Variants in SPRY3 observed in about 807,000 individuals in gnomAD.
SPRY3 encodes protein sprouty homolog 3.
Under a neutral mutation model 20.2 loss-of-function variants are expected in SPRY3, and 15 were observed. The ratio of observed to expected loss-of-function variants is 0.74; its 90% CI spans 0.50 to 1.14. The LOEUF is 1.14. Among genes scored for constraint, SPRY3 ranks in the 50% most tolerant of loss-of-function variants. SPRY3 has a pLI of 0.00. For synonymous variants in SPRY3, 143 were observed against 136.5 expected (o/e 1.05, Z -0.33); for missense variants, 364 against 363.9 (o/e 1.00, Z 0.00).
At chrX:155,632,773 T>C (rs2067910717) in intron 1 of SPRY3, among the ~76,000 whole-genome samples, 1 of 111,969 alleles carries the variant, frequency 8.9e-6, no homozygotes, top group African/African-American at 3.2e-5. Context: ...TACCTCTTGA[T>C]AGGAGGTTAT....
intron 2 of SPRY3, among the ~76,000 whole-genome samples, chrX:155,743,898 T>C (rs1030721438): frequency 6.6e-6 from 1 of 152,016 alleles, no homozygotes; most frequent in African/African-American, 2.4e-5. Flanking sequence ...AAAAGGACAA[T>C]TTTAAATAAT....
At chrX:155,776,886 C>A (rs1316470138), downstream of SPRY3, 1 of 166,984 alleles carries the variant, frequency 6.0e-6, no homozygotes, top group East Asian at 1.9e-4. Flanking sequence ...TTCACTTACA[C>A]CTCCTCTTCT....
intron 2 of SPRY3, among the ~76,000 whole-genome samples, chrX:155,761,151 C>T (rs1174031525): frequency 6.6e-6 from 1 of 152,112 alleles, no homozygotes; most frequent in Admixed American, 6.5e-5. Flanking sequence ...TTCAATAAGT[C>T]ACCAATACCC....
chrX:155,767,329 C>G (rs1267361940), intron 2 of SPRY3, among the ~76,000 whole-genome samples: 1 of 152,202 alleles, frequency 6.6e-6, no homozygotes, highest in South Asian at 2.1e-4. Context: ...CATCTACATT[C>G]ACAAAACGGC....
rs776979678 is a variant in SPRY3 at position 155,725,841 on chromosome X, T to TA, written c.-281-42120dup. Among the ~76,000 whole-genome samples the TA allele has an allele frequency of 9.3e-4, 142 of 152,306 alleles. 1 individual carries two copies. Among genetic ancestry groups the TA allele is most frequent in the African/African-American group, 3.2e-3 (135 of 41,568 alleles). ...CCTTCAGTTCTGCTCTGGTCTTAGT[T>TA]ATTTCTTGCCTTCTGCTAGCATTTG... On this transcript the variant is annotated intron_variant, in intron 2 of 3. Coordinates refer to ENST00000675360, the Ensembl canonical transcript of SPRY3.
intron 3 of SPRY3, among the ~76,000 whole-genome samples, chrX:155,768,377 A>C (rs2091358789): frequency 6.6e-6 from 1 of 152,136 alleles, no homozygotes; most frequent in Non-Finnish European, 1.5e-5. Context: ...AGGACTTCAA[A>C]ATAATATTTT....
In SPRY3 at chrX:155,680,197, G is replaced by GGA. The variant is rs761827872; in HGVS notation, c.-282+23193_-282+23194dup. Among the ~76,000 whole-genome samples, 236 of 75,249 alleles carry GGA rather than the reference G, an allele frequency of 3.1e-3. 2 individuals are homozygous for GGA. The highest frequency in any genetic ancestry group is 0.012 in the African/African-American group (207 of 17,784). The allele number at this position is 75,249 out of a possible 115,157, so 65.3% of individuals were successfully genotyped here. ...GTGTGTGTGTGTGTGTGTGTTTGAGGGAGAGAGAGAGAGAGAGAGAGAAGA... is the reference window on the plus strand; with the variant it reads ...GTGTGTGTGTGTGTGTGTGTTTGAGGGAGAGAGAGAGAGAGAGAGAGAGAAGA... On this transcript the variant is annotated intron_variant, in intron 2 of 3. Coordinates refer to ENST00000675360, the Ensembl canonical transcript of SPRY3.
At chrX:155,666,566 AAG>A (rs1395349052) in intron 2 of SPRY3, among the ~76,000 whole-genome samples, 7 of 111,526 alleles carry the variant, frequency 6.3e-5, no homozygotes, top group Admixed American at 5.7e-4. Context: ...CAAGGAGTGA[AAG>A]AGAGTGCTAA....
intron 2 of SPRY3, among the ~76,000 whole-genome samples, chrX:155,693,716 A>T (rs2068110207): frequency 8.9e-6 from 1 of 112,124 alleles, no homozygotes. Context: ...TTGTATCTTT[A>T]AGTTTAAAGT....
intron 2 of SPRY3, among the ~76,000 whole-genome samples, chrX:155,767,396 A>G (rs1483643298): frequency 1.3e-5 from 2 of 150,570 alleles, no homozygotes; most frequent in Admixed American, 6.6e-5. Flanking sequence ...TGCAGATTAT[A>G]TACCAACACA....
intron 2 of SPRY3, among the ~76,000 whole-genome samples, chrX:155,728,146 G>T (rs1433901838): frequency 6.6e-6 from 1 of 152,156 alleles, no homozygotes; most frequent in South Asian, 2.1e-4. Flanking sequence ...AGCAAATATT[G>T]CAGAACAGCA....
At chrX:155,692,392 T>C (rs1184822976) in intron 2 of SPRY3, among the ~76,000 whole-genome samples, 3 of 111,777 alleles carry the variant, frequency 2.7e-5, no homozygotes, top group African/African-American at 9.7e-5. Flanking sequence ...TTCAGTGACC[T>C]ATATGTCTAT....
chrX:155,773,883 G>C lies in SPRY3; in HGVS notation c.12G>C (p.Ala4=), dbSNP rs201841720. The change falls in exon 4 of 4, where the codon GCG becomes GCC. Residue 4 remains alanine, a synonymous_variant. Transcript: ENST00000675360. ...AAAATCAAGGCAAAATGGATGCTGCGGTGACAGATGATTTTCAACAAATTC... is the reference window on the plus strand; with the variant it reads ...AAAATCAAGGCAAAATGGATGCTGCCGTGACAGATGATTTTCAACAAATTC... 1.4e-5 allele frequency: 22 copies of C among 1,613,516 alleles called. No individual in the cohort carries two copies. The East Asian group carries it at 4.9e-4, about 36-fold the overall frequency.
chrX:155,759,210 G>T (rs1049627906), intron 2 of SPRY3, among the ~76,000 whole-genome samples: 1 of 151,830 alleles, frequency 6.6e-6, no homozygotes, highest in African/African-American at 2.4e-5. Context: ...TTTTAGTAGA[G>T]ACTGGGTTTT....
chrX:155,730,958 G>A, intron 2 of SPRY3, among the ~76,000 whole-genome samples: 1 of 151,856 alleles, frequency 6.6e-6, no homozygotes, highest in South Asian at 2.1e-4. Context: ...CCAAGGAAGT[G>A]AAAAATCTCT....
chrX:155,679,030 C>T (rs1214915060), intron 2 of SPRY3, among the ~76,000 whole-genome samples: 1 of 110,409 alleles, frequency 9.1e-6, no homozygotes, highest in African/African-American at 3.3e-5. Flanking sequence ...GGGAACATCA[C>T]ACACCAGGGC....
chrX:155,632,878 T>C (rs2067911011), intron 1 of SPRY3, among the ~76,000 whole-genome samples: 1 of 111,486 alleles, frequency 9.0e-6, no homozygotes, highest in Non-Finnish European at 1.9e-5. Context: ...TAAAGTTCTG[T>C]GATGGTTGTC....
intron 1 of SPRY3, among the ~76,000 whole-genome samples, chrX:155,640,354 T>C (rs1255528225): frequency 8.9e-6 from 1 of 112,579 alleles, no homozygotes; most frequent in Non-Finnish European, 1.9e-5. Flanking sequence ...TGTATAGTAC[T>C]TTACTGTATT....
At chrX:155,623,583 C>A (rs2067878125) in intron 1 of SPRY3, among the ~76,000 whole-genome samples, 1 of 111,994 alleles carries the variant, frequency 8.9e-6, no homozygotes, top group Admixed American at 9.5e-5. Flanking sequence ...CCCCTGTATT[C>A]ACCTGTTACC....
Sources: gnomAD v4.1 joint callset for allele counts (sites outside exome capture counted in the v4.1 genomes callset) on GRCh38, gnomAD v4.1.1 for gene constraint, MANE v1.5 for transcripts, NCBI Gene and HGNC (gene_info 2026-07-23, HGNC 2026-07-21) for gene names.